Variants in AUTS2 observed in about 807,000 individuals in gnomAD.
AUTS2 encodes the protein autism susceptibility gene 2 protein.
AUTS2 carries 17 observed loss-of-function variants against 112.4 expected under a neutral mutation model. The ratio of observed to expected loss-of-function variants is 0.15; its 90% CI spans 0.10 to 0.23. The LOEUF is 0.23. Among genes scored for constraint, AUTS2 ranks in the 10% least tolerant of loss-of-function variants. The probability of loss-of-function intolerance (pLI) is 1.00; values close to 1 mark genes in which losing one functional copy is unlikely to be tolerated. For synonymous variants in AUTS2, 751 were observed against 702.7 expected (o/e 1.07, Z -1.09); for missense variants, 1,510 against 1,701.6 (o/e 0.89, Z 1.98).
intron 5 of AUTS2, among the ~76,000 whole-genome samples, chr7:70,614,786 C>T (rs1234284775): frequency 4.6e-5 from 7 of 152,056 alleles, no homozygotes; most frequent in South Asian, 2.1e-4. Flanking sequence ...CTTACAGCCT[C>T]CCCCCTGGGG....
intron 1 of AUTS2, among the ~76,000 whole-genome samples, chr7:69,872,566 CT>C (rs1343310900): frequency 1.3e-5 from 2 of 152,016 alleles, no homozygotes; most frequent in African/African-American, 2.4e-5. Flanking sequence ...CATTTTTTGC[CT>C]TTTTTTCTCC....
chr7:69,869,499 A>G (rs1793385246), intron 1 of AUTS2, among the ~76,000 whole-genome samples: 1 of 151,992 alleles, frequency 6.6e-6, no homozygotes, highest in African/African-American at 2.4e-5. Flanking sequence ...GTCCCCTAAC[A>G]AAGTTTGAAC....
At chr7:70,530,901 C>T (rs1032743651) in intron 5 of AUTS2, among the ~76,000 whole-genome samples, 1 of 152,112 alleles carries the variant, frequency 6.6e-6, no homozygotes, top group Admixed American at 6.5e-5. Context: ...TTCTTATTAT[C>T]GTTGGGAAGC....
chr7:70,290,528 T>C (rs1186557684), intron 4 of AUTS2: 1 of 1,531,742 alleles, frequency 6.5e-7, no homozygotes, highest in South Asian at 1.3e-5. Flanking sequence ...GTGTGGTCAC[T>C]CACATTTGAA....
chr7:69,770,056 TA>T, intron 1 of AUTS2, among the ~76,000 whole-genome samples: 1 of 152,348 alleles, frequency 6.6e-6, no homozygotes, highest in South Asian at 2.1e-4. Flanking sequence ...ATGGTTGGTA[TA>T]GTGAAACAGA....
chr7:69,895,549 C>CCG (rs1554400688), intron 1 of AUTS2, among the ~76,000 whole-genome samples: 31 of 142,446 alleles, frequency 2.2e-4, no homozygotes, highest in Middle Eastern at 7.3e-3. Flanking sequence ...TTCTTCCCCC[C>CCG]CCCCGAGTGG....
At chr7:70,532,183 A>G (rs1480904038) in intron 5 of AUTS2, among the ~76,000 whole-genome samples, 1 of 152,190 alleles carries the variant, frequency 6.6e-6, no homozygotes, top group Non-Finnish European at 1.5e-5. Flanking sequence ...GCACTTTGCA[A>G]GCTTCAGCTT....
intron 5 of AUTS2, among the ~76,000 whole-genome samples, chr7:70,600,465 G>A (rs1158275992): frequency 6.6e-6 from 1 of 152,046 alleles, no homozygotes; most frequent in Non-Finnish European, 1.5e-5. Flanking sequence ...TAGTAGAGAC[G>A]GGGTTTTGCC....
chr7:70,575,967 G>A (rs1033761850), intron 5 of AUTS2, among the ~76,000 whole-genome samples: 5 of 152,164 alleles, frequency 3.3e-5, no homozygotes, highest in Non-Finnish European at 1.5e-5. Flanking sequence ...TAGCATGGCT[G>A]TCCCCAGGTA....
intron 2 of AUTS2, among the ~76,000 whole-genome samples, chr7:69,906,539 A>G (rs1795155050): frequency 6.6e-6 from 1 of 152,172 alleles, no homozygotes; most frequent in Non-Finnish European, 1.5e-5. Context: ...TTGGGTTTGC[A>G]GTCTTTCGGT....
At chr7:70,700,039 C>G (rs1452043232) in intron 6 of AUTS2, among the ~76,000 whole-genome samples, 1 of 152,194 alleles carries the variant, frequency 6.6e-6, no homozygotes, top group African/African-American at 2.4e-5. Context: ...TGGGATCAGG[C>G]CCTAGAATAA....
chr7:69,724,907 G>C (rs1786434232), intron 1 of AUTS2, among the ~76,000 whole-genome samples: 1 of 152,146 alleles, frequency 6.6e-6, no homozygotes, highest in African/African-American at 2.4e-5. Context: ...TAAGTGTCTA[G>C]CAGTTGCTGT....
chr7:69,869,311 C>T (rs1318421522), intron 1 of AUTS2, among the ~76,000 whole-genome samples: 3 of 152,066 alleles, frequency 2.0e-5, no homozygotes, highest in African/African-American at 7.2e-5. Flanking sequence ...GCCCTTCCTG[C>T]CACAGTACCT....
At chr7:70,587,145 C>T (rs187202592) in intron 5 of AUTS2, among the ~76,000 whole-genome samples, 7 of 152,228 alleles carry the variant, frequency 4.6e-5, no homozygotes, top group Admixed American at 4.6e-4. Context: ...GATGCCATCA[C>T]GGCTCACTGC....
intron 4 of AUTS2, among the ~76,000 whole-genome samples, chr7:70,251,316 G>A (rs535369017): frequency 1.4e-3 from 208 of 152,096 alleles, no homozygotes; most frequent in African/African-American, 4.9e-3. Flanking sequence ...TGCCCACTTC[G>A]GCCTCCAAAG....
chr7:69,767,954 T>C (rs1562869996), intron 1 of AUTS2, among the ~76,000 whole-genome samples: 1 of 152,246 alleles, frequency 6.6e-6, no homozygotes, highest in Non-Finnish European at 1.5e-5. Flanking sequence ...TTTGAGGTTA[T>C]TGTCATCACT....
At chr7:70,243,231 TTGTGTGTGTGTGTGTGTGTGTGTGTG>T (rs3078161) in intron 4 of AUTS2, among the ~76,000 whole-genome samples, 6 of 131,670 alleles carry the variant, frequency 4.6e-5, no homozygotes, top group Admixed American at 7.9e-5. Flanking sequence ...GAATGTATCC[TTGTGTGTGTGTGTGTGTGTGTGTGTG>T]TGTGTGTGTG....
chr7:70,191,672 C>T (rs1267624698), intron 4 of AUTS2, among the ~76,000 whole-genome samples: 3 of 152,084 alleles, frequency 2.0e-5, no homozygotes, highest in African/African-American at 7.2e-5. Flanking sequence ...TTTTATGCTA[C>T]GATATGTTCT....
chr7:70,404,695 C>A (rs1386141231), intron 4 of AUTS2, among the ~76,000 whole-genome samples: 1 of 152,050 alleles, frequency 6.6e-6, no homozygotes, highest in Non-Finnish European at 1.5e-5. Context: ...TTGGGGGGAC[C>A]CTGTTCACCT....
Sources: gnomAD v4.1 joint callset for allele counts (sites outside exome capture counted in the v4.1 genomes callset) on GRCh38, gnomAD v4.1.1 for gene constraint, MANE v1.5 for transcripts, NCBI Gene and HGNC (gene_info 2026-07-23, HGNC 2026-07-21) for gene names.